PDE3A: variants seen among roughly 807,000 people sequenced by gnomAD.
The protein encoded by PDE3A is cGMP-inhibited 3',5'-cyclic phosphodiesterase 3A.
Under a neutral mutation model 98.3 loss-of-function variants are expected in PDE3A, and 43 were observed. The observed-to-expected ratio is 0.44, with a 90% CI of 0.34 to 0.56. The LOEUF (loss-of-function observed/expected upper bound fraction) is 0.56, where lower values mean the gene tolerates loss of function less well. PDE3A is among the 20% of genes least tolerant of loss of function. The pLI, the probability that PDE3A is intolerant of heterozygous loss-of-function variation, is 0.01. For synonymous variants in PDE3A, 663 were observed against 567.9 expected (o/e 1.17, Z -2.38); for missense variants, 1,427 against 1,440.7 (o/e 0.99, Z 0.15).
At chr12:20,374,361 T>G (rs1223563645) in intron 1 of PDE3A, among the ~76,000 whole-genome samples, 2 of 152,108 alleles carry the variant, frequency 1.3e-5, no homozygotes, top group Non-Finnish European at 2.9e-5. Flanking sequence ...TTACTCTTTC[T>G]GTATTGAGTC....
chr12:20,528,764 T>C (rs1156498761), intron 1 of PDE3A, among the ~76,000 whole-genome samples: 2 of 152,158 alleles, frequency 1.3e-5, no homozygotes, highest in Non-Finnish European at 2.9e-5. Flanking sequence ...GGGTATAACA[T>C]CTAGCAAATA....
At chr12:20,481,914 G>A (rs532187082) in intron 1 of PDE3A, among the ~76,000 whole-genome samples, 9 of 151,318 alleles carry the variant, frequency 5.9e-5, no homozygotes, top group South Asian at 4.2e-4. Context: ...ACAGGCGCCC[G>A]CCACCACGCC....
intron 1 of PDE3A, among the ~76,000 whole-genome samples, chr12:20,534,833 C>A (rs1460316879): frequency 6.6e-6 from 1 of 152,096 alleles, no homozygotes; most frequent in Non-Finnish European, 1.5e-5. Context: ...CATGCAAAAA[C>A]AAAGATGATA....
chr12:20,487,591 T>G (rs1310816454), intron 1 of PDE3A, among the ~76,000 whole-genome samples: 3 of 149,876 alleles, frequency 2.0e-5, no homozygotes, highest in Non-Finnish European at 4.4e-5. Context: ...AGGCAGAAGT[T>G]GTAGCGAGCC....
At chr12:20,655,850 T>C (rs960676407) in intron 15 of PDE3A, among the ~76,000 whole-genome samples, 7 of 152,122 alleles carry the variant, frequency 4.6e-5, no homozygotes, top group South Asian at 2.1e-4. Flanking sequence ...TAGGAGACCA[T>C]TGAAATTATC....
At position 20,369,368 on chromosome 12, in the gene PDE3A, C is replaced by G. The variant is rs1382712763; in HGVS notation, c.84C>G (p.Asp28Glu). Reference sequence around the variant, plus strand: ...GTCAAGCCCCCACGGCGGGCCGGGACTGCCACCATCGTGCGGACCCCGCAT... The same window carrying G: ...GTCAAGCCCCCACGGCGGGCCGGGAGTGCCACCATCGTGCGGACCCCGCAT... ...GVSQAPTAGR[D>E]CHHRADPASP... is the part of the protein sequence containing the mutation. The change falls in exon 1 of 16, where the codon GAC (aspartate) becomes GAG (glutamate). Residue 28 changes from aspartate (D) to glutamate (E), a missense_variant. By Grantham distance (45) the Asp-to-Glu change is conservative (BLOSUM62 2). Around this residue, in one of 3 missense-constraint regions of PDE3A, gnomAD observed 1,012 missense variants for 886.5 expected, o/e 1.14. Transcript: ENST00000359062. 3 of 1,549,514 alleles carry G rather than the reference C, an allele frequency of 1.9e-6. No individual in the cohort carries two copies. Among genetic ancestry groups the G allele is most frequent in the Non-Finnish European group, 2.6e-6 (3 of 1,147,028 alleles).
intron 1 of PDE3A, among the ~76,000 whole-genome samples, chr12:20,477,784 AGAGT>A (rs1210985485): frequency 6.6e-6 from 1 of 152,230 alleles, no homozygotes; most frequent in African/African-American, 2.4e-5. Flanking sequence ...AAGCAGCAAC[AGAGT>A]GAGACTTTTT....
chr12:20,485,137 C>G (rs1220975686), intron 1 of PDE3A, among the ~76,000 whole-genome samples: 1 of 152,128 alleles, frequency 6.6e-6, no homozygotes, highest in Non-Finnish European at 1.5e-5. Context: ...TCCCACAGTT[C>G]TGGAGGCTGC....
chr12:20,414,926 C>G (rs1360427310), intron 1 of PDE3A, among the ~76,000 whole-genome samples: 1 of 151,374 alleles, frequency 6.6e-6, no homozygotes, highest in Non-Finnish European at 1.5e-5. Context: ...AAAAGTATGT[C>G]AAACATAATA....
chr12:20,459,183 A>T (rs1386389869), intron 1 of PDE3A, among the ~76,000 whole-genome samples: 2 of 152,186 alleles, frequency 1.3e-5, no homozygotes, highest in African/African-American at 4.8e-5. Flanking sequence ...TACTGTTTAA[A>T]CAAAAGGAAA....
chr12:20,369,877 T>G lies in PDE3A; in HGVS notation c.593T>G (p.Leu198Trp), dbSNP rs765213036. Residue 198 changes from leucine (L) to tryptophan (W), a missense_variant, in exon 1 of 16, where the codon TTG becomes TGG. Leu to Trp is a moderately conservative substitution (Grantham distance 61, BLOSUM62 -2). This residue lies in a region of PDE3A where 1,012 missense variants were observed against 886.5 expected (regional missense o/e 1.14). Coordinates refer to ENST00000359062, the MANE Select transcript of PDE3A (RefSeq NM_000921.5). ...GCCGCGGGGGTGGTGCTCAGCTGCTTGGCCGCCGCGACATGGCTGGTGCTG... is the reference window on the plus strand; with the variant it reads ...GCCGCGGGGGTGGTGCTCAGCTGCTGGGCCGCCGCGACATGGCTGGTGCTG... Reference protein sequence around the residue: ...LPAAGVVLSCLAAATWLVLRL... With the variant: ...LPAAGVVLSCWAAATWLVLRL... 2.5e-6 allele frequency: 4 copies of G among 1,613,032 alleles called. No homozygotes were observed. The highest frequency in any genetic ancestry group is 2.5e-6 in the Non-Finnish European group (3 of 1,179,738).
chr12:20,371,550 T>A, intron 1 of PDE3A: 1 of 669,200 alleles, frequency 1.5e-6, no homozygotes, highest in Non-Finnish European at 1.8e-6. Context: ...CACCATATGG[T>A]GTGGGTGGCT....
rs776314058 is a variant in PDE3A at position 20,647,068 on chromosome 12, G to C, written c.2565+118G>C. ...TAAGCCAAACTATACATAGTCTTACGTTGAAATTCTCAGAGACCGTGCTAA... is the reference window on the plus strand; with the variant it reads ...TAAGCCAAACTATACATAGTCTTACCTTGAAATTCTCAGAGACCGTGCTAA... On this transcript the variant is annotated intron_variant, in intron 12 of 15. Coordinates refer to ENST00000359062, the MANE Select transcript of PDE3A (RefSeq NM_000921.5). The C allele has an allele frequency of 2.9e-5, 19 of 662,646 alleles. 1 individual carries two copies. Among genetic ancestry groups the C allele is most frequent in the South Asian group, 7.6e-5 (4 of 52,970 alleles). The allele number at this position is 662,646 out of a possible 1,614,324, so 41.0% of individuals were successfully genotyped here.
At chr12:20,486,227 T>G (rs552577045) in intron 1 of PDE3A, among the ~76,000 whole-genome samples, 12 of 152,214 alleles carry the variant, frequency 7.9e-5, no homozygotes, top group Middle Eastern at 3.4e-3. Flanking sequence ...TGGGGAGGCC[T>G]CGGGAAACTT....
At chr12:20,655,568 A>G (rs1318303311) in intron 15 of PDE3A, among the ~76,000 whole-genome samples, 1 of 152,182 alleles carries the variant, frequency 6.6e-6, no homozygotes, top group Non-Finnish European at 1.5e-5. Flanking sequence ...GAAACTAAAA[A>G]CCATGGTTTC....
chr12:20,400,497 C>T (rs757941600), intron 1 of PDE3A, among the ~76,000 whole-genome samples: 13 of 147,386 alleles, frequency 8.8e-5, no homozygotes, highest in Non-Finnish European at 1.8e-4. Context: ...AGCTCCACCT[C>T]CCTGGTTCAC....
chr12:20,528,754 G>T (rs993959010), intron 1 of PDE3A, among the ~76,000 whole-genome samples: 3 of 151,970 alleles, frequency 2.0e-5, no homozygotes, highest in Admixed American at 6.6e-5. Context: ...CAGACGCTAG[G>T]GGTATAACAT....
intron 1 of PDE3A, among the ~76,000 whole-genome samples, chr12:20,378,767 T>C (rs1943615482): frequency 6.6e-6 from 1 of 151,790 alleles, no homozygotes; most frequent in Non-Finnish European, 1.5e-5. Flanking sequence ...CACTGTTAGC[T>C]CTGGCTAATT....
chr12:20,567,543 A>AAGAT (rs764999866), intron 2 of PDE3A, among the ~76,000 whole-genome samples: 3 of 151,930 alleles, frequency 2.0e-5, no homozygotes, highest in Middle Eastern at 3.2e-3. Context: ...ACTTAAGGAG[A>AAGAT]AGATAGTATT....
Sources: allele counts gnomAD v4.1 joint callset (sites outside exome capture counted in the v4.1 genomes callset), GRCh38; gene constraint gnomAD v4.1.1; regional missense constraint gnomAD v4.1.1; transcripts MANE v1.5; gene names NCBI Gene and HGNC (gene_info 2026-07-23, HGNC 2026-07-21).